The following CDH12 variants were observed in gnomAD, a reference collection of about 807,000 sequenced individuals.
The protein encoded by CDH12 is cadherin 12, also known as cadherin-12.
In CDH12, 41 loss-of-function variants were observed where a neutral mutation model predicts 74.1. That is an observed-to-expected ratio of 0.55 (90% CI 0.43 to 0.72). CDH12 has a LOEUF of 0.72. Among genes scored for constraint, CDH12 ranks in the 30% least tolerant of loss-of-function variants. The pLI is 0.00. For synonymous variants in CDH12, 399 were observed against 355.0 expected, an observed-to-expected ratio of 1.12 and a Z score of -1.39; for missense variants, 945 against 977.2, an observed-to-expected ratio of 0.97 and a Z score of 0.44.
chr5:21,982,478 T>C (rs1757346568), intron 5 of CDH12, among the ~76,000 whole-genome samples: 1 of 151,620 alleles, frequency 6.6e-6, no homozygotes, highest in African/African-American at 2.4e-5. Flanking sequence ...TATACCTATA[T>C]AGAGAGATAT....
At chr5:22,623,841 G>C (rs1403046825) in intron 1 of CDH12, among the ~76,000 whole-genome samples, 1 of 152,164 alleles carries the variant, frequency 6.6e-6, no homozygotes, top group African/African-American at 2.4e-5. Context: ...AACCAAAAAA[G>C]AGCCCGCATT....
At chr5:22,039,700 C>T (rs900057585) in intron 5 of CDH12, among the ~76,000 whole-genome samples, 17 of 152,112 alleles carry the variant, frequency 1.1e-4, no homozygotes, top group African/African-American at 4.1e-4. Flanking sequence ...CACTGAGGTA[C>T]ACAAAGTCAT....
At chr5:22,275,309 G>C (rs1220300284) in intron 3 of CDH12, among the ~76,000 whole-genome samples, 4 of 151,498 alleles carry the variant, frequency 2.6e-5, no homozygotes, top group Non-Finnish European at 5.9e-5. Context: ...AAAAAAGGAA[G>C]AAAGGATGAT....
chr5:22,167,627 T>C (rs771027438), intron 4 of CDH12, among the ~76,000 whole-genome samples: 1 of 152,186 alleles, frequency 6.6e-6, no homozygotes, highest in Admixed American at 6.5e-5. Flanking sequence ...AAAGACATAA[T>C]TTAAAACTAT....
intron 3 of CDH12, among the ~76,000 whole-genome samples, chr5:22,400,787 G>C (rs1376456208): frequency 6.6e-6 from 1 of 152,042 alleles, no homozygotes. Flanking sequence ...GCAGCTCTCA[G>C]GAACATTCTA....
At chr5:22,621,985 C>G (rs777851561) in intron 1 of CDH12, among the ~76,000 whole-genome samples, 3 of 151,982 alleles carry the variant, frequency 2.0e-5, no homozygotes, top group Non-Finnish European at 1.5e-5. Context: ...AGTGATTAAT[C>G]CCCTAGTCAT....
At chr5:22,471,227 A>C (rs1745945790) in intron 2 of CDH12, among the ~76,000 whole-genome samples, 1 of 152,100 alleles carries the variant, frequency 6.6e-6, no homozygotes, top group East Asian at 1.9e-4. Context: ...TTCTCCTAAC[A>C]CGTGGGTGTT....
intron 5 of CDH12, among the ~76,000 whole-genome samples, chr5:22,045,602 C>CAAAAAAA (rs34753862): frequency 4.4e-5 from 5 of 112,922 alleles, no homozygotes; most frequent in Non-Finnish European, 8.0e-5. Context: ...ACTATTCAGC[C>CAAAAAAA]AAAAAAAAAA....
intron 4 of CDH12, among the ~76,000 whole-genome samples, chr5:22,103,448 A>T (rs1200131608): frequency 6.6e-6 from 1 of 152,182 alleles, no homozygotes; most frequent in Non-Finnish European, 1.5e-5. Context: ...TCAAATGATA[A>T]ATAAACTGCC....
At chr5:22,703,858 A>T (rs1354112553) in intron 1 of CDH12, among the ~76,000 whole-genome samples, 1 of 152,178 alleles carries the variant, frequency 6.6e-6, no homozygotes, top group Non-Finnish European at 1.5e-5. Flanking sequence ...TTTCTTCACA[A>T]AGAAAATAAA....
chr5:21,829,785 A>G (rs908497888), intron 8 of CDH12, among the ~76,000 whole-genome samples: 5 of 152,202 alleles, frequency 3.3e-5, no homozygotes, highest in Non-Finnish European at 7.3e-5. Flanking sequence ...TCATAACTTC[A>G]TTCTCCTACC....
intron 2 of CDH12, among the ~76,000 whole-genome samples, chr5:22,411,759 T>C (rs1743180098): frequency 6.6e-6 from 1 of 151,994 alleles, no homozygotes. Flanking sequence ...TACACTTTAA[T>C]AAAAGAGCCC....
chr5:22,711,913 C>A (rs1382467275), intron 1 of CDH12, among the ~76,000 whole-genome samples: 2 of 151,998 alleles, frequency 1.3e-5, no homozygotes, highest in Non-Finnish European at 2.9e-5. Context: ...CTTAAAGTAA[C>A]TCACAACTGT....
chr5:22,452,754 A>C (rs564612132), intron 2 of CDH12, among the ~76,000 whole-genome samples: 1 of 151,748 alleles, frequency 6.6e-6, no homozygotes, highest in Non-Finnish European at 1.5e-5. Context: ...CTTCTGCACA[A>C]CAGAGGAAAC....
chr5:22,382,840 T>G (rs1741827279), intron 3 of CDH12, among the ~76,000 whole-genome samples: 1 of 152,038 alleles, frequency 6.6e-6, no homozygotes, highest in Non-Finnish European at 1.5e-5. Flanking sequence ...TTATTATTAT[T>G]ATTTTTTGAG....
At chr5:22,438,251 C>T (rs1000545002) in intron 2 of CDH12, among the ~76,000 whole-genome samples, 2 of 151,910 alleles carry the variant, frequency 1.3e-5, no homozygotes, top group Admixed American at 6.6e-5. Context: ...CAATTTGAAT[C>T]GAACAACAAA....
chr5:22,598,007 T>C (rs896054240), intron 1 of CDH12, among the ~76,000 whole-genome samples: 17 of 152,324 alleles, frequency 1.1e-4, no homozygotes, highest in African/African-American at 3.6e-4. Context: ...GAACTGTCTC[T>C]ACTCCCAATC....
At chr5:22,156,142 T>C (rs1561171571) in intron 4 of CDH12, among the ~76,000 whole-genome samples, 2 of 152,186 alleles carry the variant, frequency 1.3e-5, no homozygotes, top group African/African-American at 2.4e-5. Context: ...AAGTGGGAAC[T>C]GTGTGGCATG....
In CDH12 at chr5:22,281,354, G is replaced by A. The variant is rs573533811; in HGVS notation, c.-332-68711C>T. Among the ~76,000 whole-genome samples, 4 of 152,012 alleles carry A rather than the reference G, an allele frequency of 2.6e-5. No homozygotes were observed. In the South Asian group the frequency reaches 8.3e-4, roughly 32 times the overall value. On this transcript the variant is annotated intron_variant, in intron 3 of 14. Coordinates refer to ENST00000382254, the MANE Select transcript of CDH12 (RefSeq NM_004061.5). ...CTCTCTCACCACTCCTATTAAACAA[G>A]GTATTGGGAGTTCTAGCCAGGGCAA...
Sources: allele counts gnomAD v4.1 joint callset (sites outside exome capture counted in the v4.1 genomes callset), GRCh38; gene constraint gnomAD v4.1.1; transcripts MANE v1.5; gene names NCBI Gene and HGNC (gene_info 2026-07-23, HGNC 2026-07-21).